FAM135B: variants seen among roughly 807,000 people sequenced by gnomAD.
FAM135B encodes protein FAM135B.
A neutral mutation model predicts 127.7 loss-of-function variants in FAM135B; 43 were observed. That is an observed-to-expected ratio of 0.34 (90% CI 0.26 to 0.43). The LOEUF (loss-of-function observed/expected upper bound fraction) is 0.43, where lower values mean the gene tolerates loss of function less well. FAM135B is among the 20% of genes least tolerant of loss of function. The pLI is 1.00. For synonymous variants in FAM135B, 670 were observed against 665.1 expected, an observed-to-expected ratio of 1.01 and a Z score of -0.11; for missense variants, 1,558 against 1,725.6, an observed-to-expected ratio of 0.90 and a Z score of 1.72.
intron 12 of FAM135B, among the ~76,000 whole-genome samples, chr8:138,156,781 G>T (rs564945890): frequency 1.7e-4 from 26 of 152,256 alleles, no homozygotes; most frequent in Non-Finnish European, 2.8e-4. Context: ...TCAATAACAG[G>T]CTCTGAAATT....
intron 4 of FAM135B, among the ~76,000 whole-genome samples, chr8:138,259,337 G>A (rs1270754340): frequency 2.0e-5 from 3 of 152,186 alleles, no homozygotes; most frequent in South Asian, 2.1e-4. Context: ...CCAGATACAC[G>A]TGTACGACTC....
At chr8:138,133,883 C>T (rs1418423240) in intron 19 of FAM135B, among the ~76,000 whole-genome samples, 1 of 152,126 alleles carries the variant, frequency 6.6e-6, no homozygotes, top group Admixed American at 6.6e-5. Context: ...TTTCTTTTCC[C>T]CCCCTTCTTA....
chr8:138,197,510 C>G lies in FAM135B; in HGVS notation c.823+6G>C, dbSNP rs745702484. The stretch of plus-strand genomic sequence containing the variant: ...GGATGGGCTTGCCCCTGTCCTGGGC[C>G]CTTACCCAGCTCCGTGTGTGGCAGC... On this transcript the variant is annotated splice_donor_region_variant and intron_variant, in intron 8 of 19. Coordinates refer to ENST00000395297, the MANE Select transcript of FAM135B (RefSeq NM_015912.4). 1 of 1,613,612 alleles carries G rather than the reference C, an allele frequency of 6.2e-7. No homozygotes were observed. Among genetic ancestry groups the G allele is most frequent in the Non-Finnish European group, 8.5e-7 (1 of 1,179,620 alleles).
chr8:138,483,620 A>G (rs1439449077), intron 1 of FAM135B, among the ~76,000 whole-genome samples: 1 of 152,140 alleles, frequency 6.6e-6, no homozygotes, highest in Non-Finnish European at 1.5e-5. Flanking sequence ...TTGTGCTAAA[A>G]TTATAAATAG....
At chr8:138,201,434 C>T (rs1817111081) in intron 7 of FAM135B, among the ~76,000 whole-genome samples, 1 of 151,812 alleles carries the variant, frequency 6.6e-6, no homozygotes, top group African/African-American at 2.4e-5. Context: ...AAAGAGAAAT[C>T]CTGAAAAAAA....
intron 3 of FAM135B, among the ~76,000 whole-genome samples, chr8:138,304,420 T>G (rs898866620): frequency 2.6e-5 from 4 of 152,090 alleles, no homozygotes; most frequent in Non-Finnish European, 4.4e-5. Context: ...AGGTGGGGTG[T>G]GGAAGGGGCT....
At chr8:138,365,177 A>G (rs759331574) in intron 2 of FAM135B, among the ~76,000 whole-genome samples, 1 of 152,168 alleles carries the variant, frequency 6.6e-6, no homozygotes, top group Non-Finnish European at 1.5e-5. Flanking sequence ...CTCCCAAAAA[A>G]CATTAGAGTG....
intron 1 of FAM135B, among the ~76,000 whole-genome samples, chr8:138,377,309 C>T (rs557890898): frequency 6.6e-6 from 1 of 152,298 alleles, no homozygotes. Flanking sequence ...GAAGAGACCT[C>T]TCATGTACAG....
chr8:138,227,855 C>T (rs1405471295), intron 7 of FAM135B, among the ~76,000 whole-genome samples: 1 of 150,902 alleles, frequency 6.6e-6, no homozygotes, highest in Non-Finnish European at 1.5e-5. Flanking sequence ...TGTTGTACAA[C>T]AGATTTCTAG....
intron 1 of FAM135B, among the ~76,000 whole-genome samples, chr8:138,379,563 G>A (rs1831703600): frequency 6.6e-6 from 1 of 152,128 alleles, no homozygotes; most frequent in Non-Finnish European, 1.5e-5. Flanking sequence ...ATGAAGCTGA[G>A]TTGCTAGGGA....
intron 1 of FAM135B, among the ~76,000 whole-genome samples, chr8:138,410,026 A>T (rs796380608): frequency 1.2e-4 from 18 of 152,238 alleles, no homozygotes; most frequent in African/African-American, 4.1e-4. Context: ...TGCCTTTCAC[A>T]GTTGAATGAG....
At chr8:138,229,133 G>T (rs1036392678) in intron 7 of FAM135B, among the ~76,000 whole-genome samples, 3 of 152,118 alleles carry the variant, frequency 2.0e-5, no homozygotes, top group African/African-American at 7.2e-5. Context: ...GTTTCTGGCT[G>T]TCTTCATTAC....
intron 1 of FAM135B, among the ~76,000 whole-genome samples, chr8:138,443,018 G>A (rs1262338347): frequency 2.0e-5 from 3 of 152,108 alleles, no homozygotes. Flanking sequence ...TGAGGCTGCT[G>A]CTACTGATGA....
chr8:138,286,898 A>G (rs1047566138), intron 3 of FAM135B, among the ~76,000 whole-genome samples: 3 of 152,222 alleles, frequency 2.0e-5, no homozygotes, highest in Non-Finnish European at 4.4e-5. Flanking sequence ...AGGCCTGAAC[A>G]CAAATCCCAG....
intron 1 of FAM135B, among the ~76,000 whole-genome samples, chr8:138,419,928 G>A (rs111447035): frequency 4.4e-4 from 67 of 151,866 alleles, no homozygotes; most frequent in African/African-American, 1.5e-3. Flanking sequence ...TCACACCTAG[G>A]GGAACCAGAA....
At chr8:138,252,951 C>T (rs897366101) in intron 5 of FAM135B, among the ~76,000 whole-genome samples, 5 of 152,074 alleles carry the variant, frequency 3.3e-5, no homozygotes, top group African/African-American at 1.2e-4. Flanking sequence ...AAGTGTGCAC[C>T]ACCACGCCCA....
chr8:138,398,403 A>G (rs1204683655), intron 1 of FAM135B, among the ~76,000 whole-genome samples: 2 of 152,204 alleles, frequency 1.3e-5, no homozygotes, highest in Non-Finnish European at 2.9e-5. Context: ...AATCTGCTCA[A>G]TTTACAAGTC....
intron 1 of FAM135B, among the ~76,000 whole-genome samples, chr8:138,383,793 C>T (rs1832015832): frequency 1.3e-5 from 2 of 152,152 alleles, no homozygotes; most frequent in Admixed American, 6.5e-5. Flanking sequence ...CTTCCTCCTC[C>T]CTGACCATTG....
intron 3 of FAM135B, among the ~76,000 whole-genome samples, chr8:138,307,768 C>A (rs1483724364): frequency 6.9e-6 from 1 of 144,644 alleles, no homozygotes; most frequent in Non-Finnish European, 1.5e-5. Context: ...ATACATGGAA[C>A]AAAACAGCCA....
Sources: gnomAD v4.1 joint callset for allele counts (sites outside exome capture counted in the v4.1 genomes callset) on GRCh38, gnomAD v4.1.1 for gene constraint, MANE v1.5 for transcripts, NCBI Gene and HGNC (gene_info 2026-07-23, HGNC 2026-07-21) for gene names.